MARCHF1: variants seen among roughly 807,000 people sequenced by gnomAD.
The protein encoded by MARCHF1 is E3 ubiquitin-protein ligase MARCHF1.
In MARCHF1, 40 loss-of-function variants were observed where a neutral mutation model predicts 54.2. The ratio of observed to expected loss-of-function variants is 0.74; its 90% CI spans 0.57 to 0.96. The LOEUF is 0.96. MARCHF1 is among the 40% of genes least tolerant of loss of function. MARCHF1 has a pLI of 0.00. For synonymous variants in MARCHF1, 236 were observed against 236.3 expected (o/e 1.00, Z 0.01); for missense variants, 586 against 656.5 (o/e 0.89, Z 1.17).
chr4:163,773,705 C>T (rs1241753121), intron 4 of MARCHF1, among the ~76,000 whole-genome samples: 2 of 152,122 alleles, frequency 1.3e-5, no homozygotes, highest in African/African-American at 2.4e-5. Flanking sequence ...GGGACAACAG[C>T]CTCAAGGGGA....
At chr4:164,182,647 G>A (rs1457597032) in intron 1 of MARCHF1, among the ~76,000 whole-genome samples, 4 of 151,590 alleles carry the variant, frequency 2.6e-5, no homozygotes, top group African/African-American at 9.7e-5. Flanking sequence ...TTACAATACT[G>A]TTACACAGAT....
chr4:163,549,786 T>C (rs1739039580), intron 8 of MARCHF1, among the ~76,000 whole-genome samples: 1 of 152,170 alleles, frequency 6.6e-6, no homozygotes, highest in Non-Finnish European at 1.5e-5. Flanking sequence ...TGAATTGTAG[T>C]ATAACTTGAT....
intron 4 of MARCHF1, among the ~76,000 whole-genome samples, chr4:163,830,745 C>T (rs1047826499): frequency 3.3e-5 from 5 of 151,534 alleles, no homozygotes; most frequent in African/African-American, 9.7e-5. Flanking sequence ...ACACCCCAGT[C>T]TCTAAAAAAA....
At chr4:164,293,103 C>T (rs1298999503) in intron 1 of MARCHF1, among the ~76,000 whole-genome samples, 1 of 151,948 alleles carries the variant, frequency 6.6e-6, no homozygotes, top group African/African-American at 2.4e-5. Context: ...ACATGAAAAA[C>T]AAAATCATAA....
chr4:163,982,714 G>A (rs888374228), intron 3 of MARCHF1, among the ~76,000 whole-genome samples: 2 of 151,996 alleles, frequency 1.3e-5, no homozygotes, highest in African/African-American at 4.8e-5. Context: ...TCTATGTTCT[G>A]CCTATTTCCA....
chr4:164,217,567 C>G (rs920550884), intron 1 of MARCHF1, among the ~76,000 whole-genome samples: 2 of 152,188 alleles, frequency 1.3e-5, no homozygotes, highest in African/African-American at 4.8e-5. Flanking sequence ...TAAATAAAGG[C>G]CATGCTCCCA....
At chr4:164,343,485 G>A (rs1482643688) in intron 1 of MARCHF1, among the ~76,000 whole-genome samples, 1 of 152,052 alleles carries the variant, frequency 6.6e-6, no homozygotes, top group Non-Finnish European at 1.5e-5. Flanking sequence ...GTCTAGTATT[G>A]AGAATCTGTA....
At chr4:163,981,950 C>T (rs1200704358) in intron 3 of MARCHF1, among the ~76,000 whole-genome samples, 1 of 152,108 alleles carries the variant, frequency 6.6e-6, no homozygotes, top group Middle Eastern at 3.2e-3. Flanking sequence ...TAATTGAGGC[C>T]ACAATTTAAA....
At chr4:164,028,621 G>T (rs1298943397) in intron 2 of MARCHF1, among the ~76,000 whole-genome samples, 1 of 151,958 alleles carries the variant, frequency 6.6e-6, no homozygotes, top group African/African-American at 2.4e-5. Context: ...CTTCATGTTG[G>T]GTACTATGCT....
chr4:164,298,376 CA>C (rs879597165), intron 1 of MARCHF1, among the ~76,000 whole-genome samples: 18 of 146,578 alleles, frequency 1.2e-4, no homozygotes, highest in Non-Finnish European at 1.8e-4. Flanking sequence ...TAGGTTACAA[CA>C]AAAAAAAAAC....
chr4:163,842,359 A>C (rs1483426581), intron 4 of MARCHF1, among the ~76,000 whole-genome samples: 1 of 152,010 alleles, frequency 6.6e-6, no homozygotes, highest in Non-Finnish European at 1.5e-5. Flanking sequence ...TCTCTAAGAT[A>C]TATATGTATA....
At chr4:163,848,428 G>A (rs1010327556) in intron 4 of MARCHF1, among the ~76,000 whole-genome samples, 2 of 152,120 alleles carry the variant, frequency 1.3e-5, no homozygotes, top group African/African-American at 4.8e-5. Flanking sequence ...TTTCTCTAGA[G>A]TCATTGCTGA....
intron 1 of MARCHF1, among the ~76,000 whole-genome samples, chr4:164,256,069 T>C (rs2111257229): frequency 6.6e-6 from 1 of 152,104 alleles, no homozygotes; most frequent in East Asian, 1.9e-4. Flanking sequence ...GGTGGGAGGA[T>C]TGCATGAGGC....
intron 3 of MARCHF1, among the ~76,000 whole-genome samples, chr4:163,861,293 G>A (rs1212760572): frequency 1.3e-5 from 2 of 152,046 alleles, no homozygotes; most frequent in Non-Finnish European, 2.9e-5. Context: ...AGAAAACGCA[G>A]AACATCCAAG....
chr4:164,126,177 T>A (rs1283870443), intron 1 of MARCHF1, among the ~76,000 whole-genome samples: 1 of 152,196 alleles, frequency 6.6e-6, no homozygotes, highest in Admixed American at 6.5e-5. Flanking sequence ...TAATTACCAA[T>A]GTGATGGTAT....
In MARCHF1 at chr4:164,147,387, A is replaced by G. The variant is rs1398738228; in HGVS notation, c.-322-35725T>C. On this transcript the variant is annotated intron_variant, in intron 1 of 9. Transcript: ENST00000514618. ...ACACATGCGCACGTATGTTTATTGC[A>G]GCATTATTCACAATAGCAAAGACTT... Among the ~76,000 whole-genome samples, 837 of 144,236 alleles carry G rather than the reference A, an allele frequency of 5.8e-3. 7 individuals carry two copies. Among genetic ancestry groups the G allele is most frequent in the African/African-American group, 0.02 (717 of 35,868 alleles). The allele number at this position is 144,236 out of a possible 152,430, so 94.6% of individuals were successfully genotyped here.
At chr4:164,276,659 G>C (rs1036923311) in intron 1 of MARCHF1, among the ~76,000 whole-genome samples, 5 of 150,786 alleles carry the variant, frequency 3.3e-5, no homozygotes, top group Admixed American at 6.6e-5. Context: ...ATATCACTCT[G>C]TATCCCAAGA....
chr4:163,603,378 C>T (rs1450348937), intron 7 of MARCHF1, among the ~76,000 whole-genome samples: 4 of 151,970 alleles, frequency 2.6e-5, no homozygotes, highest in Non-Finnish European at 5.9e-5. Flanking sequence ...TGGTTGTATC[C>T]GCATTTGAGT....
chr4:163,539,224 T>A (rs1191475640), intron 9 of MARCHF1, among the ~76,000 whole-genome samples: 2 of 152,112 alleles, frequency 1.3e-5, no homozygotes, highest in Non-Finnish European at 2.9e-5. Context: ...TTTCACCATG[T>A]TGGCCAGGCT....
Sources: gnomAD v4.1 joint callset for allele counts (sites outside exome capture counted in the v4.1 genomes callset) on GRCh38, gnomAD v4.1.1 for gene constraint, MANE v1.5 for transcripts, NCBI Gene and HGNC (gene_info 2026-07-23, HGNC 2026-07-21) for gene names.